Variants in TMEM132D observed in about 807,000 individuals in gnomAD.
TMEM132D encodes the protein transmembrane protein 132D, also known as mature OL transmembrane protein.
A neutral mutation model predicts 62.3 loss-of-function variants in TMEM132D; 21 were observed. That is an observed-to-expected ratio of 0.34 (90% CI 0.24 to 0.49). The LOEUF (loss-of-function observed/expected upper bound fraction) is 0.49. Among genes scored for constraint, TMEM132D ranks in the 20% least tolerant of loss-of-function variants. The probability of loss-of-function intolerance (pLI) is 0.99; values close to 1 mark genes in which losing one functional copy is unlikely to be tolerated. For synonymous variants in TMEM132D, 621 were observed against 575.6 expected (o/e 1.08, Z -1.13); for missense variants, 1,346 against 1,402.8 (o/e 0.96, Z 0.65).
At chr12:129,401,957 G>A (rs569056482) in intron 3 of TMEM132D, among the ~76,000 whole-genome samples, 13 of 152,304 alleles carry the variant, frequency 8.5e-5, no homozygotes, top group African/African-American at 3.1e-4. Context: ...CTGTGACAAT[G>A]AGTGGCTGCA....
chr12:129,555,499 T>C (rs998479649), intron 2 of TMEM132D, among the ~76,000 whole-genome samples: 9 of 152,188 alleles, frequency 5.9e-5, no homozygotes, highest in Non-Finnish European at 1.2e-4. Context: ...CAACCATACA[T>C]TTATTTCGAA....
intron 4 of TMEM132D, among the ~76,000 whole-genome samples, chr12:129,327,283 C>T: frequency 6.6e-6 from 1 of 152,190 alleles, no homozygotes; most frequent in Admixed American, 6.5e-5. Flanking sequence ...TGGAGAACAA[C>T]AGACAGTGGG....
At chr12:129,565,580 G>C (rs183863995) in intron 2 of TMEM132D, among the ~76,000 whole-genome samples, 1 of 152,202 alleles carries the variant, frequency 6.6e-6, no homozygotes, top group Non-Finnish European at 1.5e-5. Context: ...TTGGCTGAGA[G>C]GAGGGGGTCA....
At chr12:129,465,083 T>C (rs2137042508) in intron 3 of TMEM132D, among the ~76,000 whole-genome samples, 1 of 152,284 alleles carries the variant, frequency 6.6e-6, no homozygotes, top group South Asian at 2.1e-4. Flanking sequence ...TTTCACGATA[T>C]TGATTCTTCC....
intron 5 of TMEM132D, among the ~76,000 whole-genome samples, chr12:129,139,922 C>T (rs1236922631): frequency 6.6e-6 from 1 of 151,814 alleles, no homozygotes; most frequent in Non-Finnish European, 1.5e-5. Context: ...TACCATGTTG[C>T]CCAGGCTGGT....
chr12:129,176,727 G>T (rs1237319553), intron 5 of TMEM132D, among the ~76,000 whole-genome samples: 2 of 152,222 alleles, frequency 1.3e-5, no homozygotes, highest in Non-Finnish European at 2.9e-5. Context: ...TAACTTCGCT[G>T]AAGGGCAGCC....
At chr12:129,572,535 G>C (rs542787789) in intron 2 of TMEM132D, among the ~76,000 whole-genome samples, 1 of 152,112 alleles carries the variant, frequency 6.6e-6, no homozygotes, top group Non-Finnish European at 1.5e-5. Flanking sequence ...TGCAACCTCC[G>C]CCTCCTGGGT....
At chr12:129,117,204 A>G (rs1191473879) in intron 5 of TMEM132D, among the ~76,000 whole-genome samples, 1 of 152,054 alleles carries the variant, frequency 6.6e-6, no homozygotes. Flanking sequence ...TATATTCTGT[A>G]TGACATTCTG....
chr12:129,740,718 T>C (rs1478411810), intron 1 of TMEM132D, among the ~76,000 whole-genome samples: 1 of 152,208 alleles, frequency 6.6e-6, no homozygotes, highest in Non-Finnish European at 1.5e-5. Context: ...GTTTGTGCTA[T>C]ACATTCTTTT....
intron 2 of TMEM132D, among the ~76,000 whole-genome samples, chr12:129,607,604 C>T (rs1565920806): frequency 6.6e-6 from 1 of 152,184 alleles, no homozygotes; most frequent in Non-Finnish European, 1.5e-5. Flanking sequence ...TAGAGGCTAC[C>T]ACCCAGGAGG....
intron 2 of TMEM132D, among the ~76,000 whole-genome samples, chr12:129,643,546 C>G (rs891938504): frequency 3.9e-5 from 6 of 152,136 alleles, no homozygotes; most frequent in African/African-American, 1.4e-4. Flanking sequence ...GCCCCCTTTT[C>G]TAGTGGATGG....
At chr12:129,209,696 C>G in intron 4 of TMEM132D, 33 bp from the exon 5 acceptor site, 4 of 1,612,426 alleles carry the variant, frequency 2.5e-6, no homozygotes, top group African/African-American at 1.3e-5. Flanking sequence ...CCATCACATC[C>G]CCTCCTGAGA....
chr12:129,569,512 T>C (rs1048370889), intron 2 of TMEM132D, among the ~76,000 whole-genome samples: 12 of 152,148 alleles, frequency 7.9e-5, no homozygotes, highest in Non-Finnish European at 1.5e-4. Flanking sequence ...ATGAAGTACA[T>C]GGTATAGAGA....
chr12:129,179,480 A>C (rs1400162846), intron 5 of TMEM132D, among the ~76,000 whole-genome samples: 1 of 152,112 alleles, frequency 6.6e-6, no homozygotes, highest in African/African-American at 2.4e-5. Context: ...AATTCTCTCC[A>C]GTTGTTTCAT....
intron 3 of TMEM132D, among the ~76,000 whole-genome samples, chr12:129,527,418 T>C (rs1876080456): frequency 6.6e-6 from 1 of 152,168 alleles, no homozygotes; most frequent in African/African-American, 2.4e-5. Context: ...GAAAATAGAT[T>C]AAATTTATCT....
At chr12:129,701,346 GAGAAA>G (rs753378187) in intron 1 of TMEM132D, among the ~76,000 whole-genome samples, 101 of 152,332 alleles carry the variant, frequency 6.6e-4, no homozygotes, top group Middle Eastern at 3.4e-3. Flanking sequence ...GAGAGATGCA[GAGAAA>G]ATACCTTGGA....
chr12:129,748,804 CAAG>C (rs1869904059), intron 1 of TMEM132D, among the ~76,000 whole-genome samples: 1 of 152,128 alleles, frequency 6.6e-6, no homozygotes, highest in East Asian at 1.9e-4. Flanking sequence ...GGTGTTTATC[CAAG>C]AAAGTAAGAA....
chr12:129,335,358 G>C (rs535021291), intron 4 of TMEM132D, among the ~76,000 whole-genome samples: 1 of 151,698 alleles, frequency 6.6e-6, no homozygotes, highest in Non-Finnish European at 1.5e-5. Flanking sequence ...AGCTGGTCTT[G>C]AACTCCTGGC....
At chr12:129,428,411 C>A (rs1428839173) in intron 3 of TMEM132D, among the ~76,000 whole-genome samples, 1 of 152,210 alleles carries the variant, frequency 6.6e-6, no homozygotes, top group Non-Finnish European at 1.5e-5. Flanking sequence ...AATGCCAAGG[C>A]ACTGAAGGAT....
Sources: gnomAD v4.1 joint callset for allele counts (sites outside exome capture counted in the v4.1 genomes callset) on GRCh38, gnomAD v4.1.1 for gene constraint, MANE v1.5 for transcripts, NCBI Gene and HGNC (gene_info 2026-07-23, HGNC 2026-07-21) for gene names.